Variants in MACROH2A2 observed in about 807,000 individuals in gnomAD.
The protein encoded by MACROH2A2 is core histone macro-H2A.2.
A neutral mutation model predicts 37.6 loss-of-function variants in MACROH2A2; 6 were observed. The observed-to-expected ratio is 0.16, with a 90% confidence interval of 0.09 to 0.32. The LOEUF is 0.32. MACROH2A2 is among the 10% of genes least tolerant of loss of function. The pLI is 1.00. For missense variants in MACROH2A2, 290 were observed against 485.9 expected (o/e 0.60, Z 3.79); for synonymous variants, 192 against 202.7 (o/e 0.95, Z 0.45).
At chr10:70,094,419 C>CA (rs139129374) in intron 5 of MACROH2A2, among the ~76,000 whole-genome samples, 8,766 of 152,236 alleles carry the variant, frequency 0.058, 424 homozygotes, top group African/African-American at 0.12. Flanking sequence ...TTCATTCCTA[C>CA]AAGTGTAAAG....
intron 1 of MACROH2A2, among the ~76,000 whole-genome samples, chr10:70,064,307 T>C (rs1165306322): frequency 6.6e-6 from 1 of 152,048 alleles, no homozygotes; most frequent in East Asian, 1.9e-4. Context: ...GGGACAGAGG[T>C]TGCAATGAGC....
chr10:70,111,174 C>T (rs1015739308), intron 8 of MACROH2A2, among the ~76,000 whole-genome samples: 6 of 152,096 alleles, frequency 3.9e-5, no homozygotes, highest in African/African-American at 1.4e-4. Context: ...GATGCTGAGG[C>T]AGGAGAATCG....
intron 7 of MACROH2A2, among the ~76,000 whole-genome samples, chr10:70,102,657 C>T (rs555830793): frequency 1.3e-5 from 2 of 151,944 alleles, no homozygotes; most frequent in African/African-American, 2.4e-5. Context: ...GTGGAGGTTG[C>T]AGTGAGCCAA....
At chr10:70,087,902 A>AT (rs2072220815) in intron 2 of MACROH2A2, among the ~76,000 whole-genome samples, 1 of 152,150 alleles carries the variant, frequency 6.6e-6, no homozygotes, top group South Asian at 2.1e-4. Flanking sequence ...TTTTATTCTA[A>AT]TTTTTTGTTA....
At position 70,075,328 on chromosome 10, in the gene MACROH2A2, C is replaced by G. The variant is rs141411635; in HGVS notation, c.-59-272C>G. Reference sequence around the variant, plus strand: ...ATCATTGTTCAGCTGACCACAGGACCGAGACCTCCCTATTCAGTGACAGTT... The same window carrying G: ...ATCATTGTTCAGCTGACCACAGGACGGAGACCTCCCTATTCAGTGACAGTT... On this transcript the variant is annotated intron_variant, in intron 1 of 8. Coordinates refer to ENST00000373255, the MANE Select transcript of MACROH2A2 (RefSeq NM_018649.3). The surrounding 1 kb of genome is among the most constrained non-coding windows in gnomAD (Gnocchi z 5.0). Among the ~76,000 whole-genome samples, 4 of 152,180 alleles carry G rather than the reference C, an allele frequency of 2.6e-5. No homozygotes were observed. The highest frequency in any genetic ancestry group is 4.1e-4 in the South Asian group (2 of 4,836).
chr10:70,083,852 T>C (rs534629898), intron 2 of MACROH2A2, among the ~76,000 whole-genome samples: 1 of 150,820 alleles, frequency 6.6e-6, no homozygotes, highest in Admixed American at 6.7e-5. Flanking sequence ...AGTTTCTTGA[T>C]CTGTGGAATT....
rs1213004422 is a variant in MACROH2A2 at position 70,053,971 on chromosome 10, G to A, written c.-60+971G>A. Among the ~76,000 whole-genome samples the A allele has an allele frequency of 6.6e-6, 1 of 152,176 alleles. No individual in the cohort carries two copies. The highest frequency in any genetic ancestry group is 1.5e-5 in the Non-Finnish European group (1 of 68,014). On this transcript the variant is annotated intron_variant, in intron 1 of 8. Transcript: ENST00000373255. The surrounding 1 kb of genome is among the most constrained non-coding windows in gnomAD (Gnocchi z 4.8). ...CCAGCCCTGCCTCCCCCGGCTCCCAGCCTCCAGCCCCGGCGCACCTCAGCC... is the reference window on the plus strand; with the variant it reads ...CCAGCCCTGCCTCCCCCGGCTCCCAACCTCCAGCCCCGGCGCACCTCAGCC...
intron 6 of MACROH2A2, among the ~76,000 whole-genome samples, chr10:70,096,221 A>G (rs559141265): frequency 1.3e-5 from 2 of 152,168 alleles, no homozygotes; most frequent in Non-Finnish European, 2.9e-5. Flanking sequence ...TCAACTTAGT[A>G]TTGTGAAATC....
At chr10:70,084,407 C>T (rs2136631144) in intron 2 of MACROH2A2, among the ~76,000 whole-genome samples, 1 of 152,304 alleles carries the variant, frequency 6.6e-6, no homozygotes, top group African/African-American at 2.4e-5. Flanking sequence ...AAGCATCTTG[C>T]TGGGCATGGT....
At chr10:70,060,825 A>T (rs1454281892) in intron 1 of MACROH2A2, among the ~76,000 whole-genome samples, 2 of 152,180 alleles carry the variant, frequency 1.3e-5, no homozygotes, top group African/African-American at 4.8e-5. Context: ...AATTAAAAGA[A>T]AATCTTGGTC....
chr10:70,106,566 G>A (rs527830429), intron 7 of MACROH2A2, among the ~76,000 whole-genome samples: 1 of 152,244 alleles, frequency 6.6e-6, no homozygotes, highest in Non-Finnish European at 1.5e-5. Flanking sequence ...GGAGGCCGAG[G>A]TGGGTGGATC....
chr10:70,054,615 G>C (rs113702838), intron 1 of MACROH2A2, among the ~76,000 whole-genome samples: 1,726 of 152,302 alleles, frequency 0.011, 23 homozygotes, highest in African/African-American at 0.029. Context: ...ACGTGTCTTC[G>C]TGTGTGTTGT....
chr10:70,064,709 T>C (rs946157202), intron 1 of MACROH2A2, among the ~76,000 whole-genome samples: 1 of 152,242 alleles, frequency 6.6e-6, no homozygotes, highest in African/African-American at 2.4e-5. Flanking sequence ...CTCATTTTTT[T>C]CTTGCTGCTG....
At chr10:70,080,860 G>A (rs1454840656) in intron 2 of MACROH2A2, among the ~76,000 whole-genome samples, 1 of 135,824 alleles carries the variant, frequency 7.4e-6, no homozygotes, top group Non-Finnish European at 1.6e-5. Flanking sequence ...ACTCCAGCCT[G>A]GGGAACAACA....
At chr10:70,090,535 G>A (rs2072238162) in intron 3 of MACROH2A2, among the ~76,000 whole-genome samples, 1 of 152,164 alleles carries the variant, frequency 6.6e-6, no homozygotes, top group Non-Finnish European at 1.5e-5. Context: ...AGAACTGACT[G>A]TTTATATTCT....
At chr10:70,072,611 C>T (rs1183581125) in intron 1 of MACROH2A2, among the ~76,000 whole-genome samples, 1 of 152,164 alleles carries the variant, frequency 6.6e-6, no homozygotes, top group Non-Finnish European at 1.5e-5. Context: ...GGTTTGTTTA[C>T]ATCAGCATCA....
chr10:70,072,126 C>G (rs1054921930), intron 1 of MACROH2A2, among the ~76,000 whole-genome samples: 1 of 152,102 alleles, frequency 6.6e-6, no homozygotes, highest in Non-Finnish European at 1.5e-5. Context: ...TGTAATAACA[C>G]TTAGCTTAAA....
intron 2 of MACROH2A2, among the ~76,000 whole-genome samples, chr10:70,085,815 C>T (rs1452949152): frequency 6.6e-6 from 1 of 152,138 alleles, no homozygotes; most frequent in Non-Finnish European, 1.5e-5. Context: ...AAATTTAGTG[C>T]TGTATAAATC....
intron 7 of MACROH2A2, among the ~76,000 whole-genome samples, chr10:70,101,246 G>A (rs1195092706): frequency 6.6e-6 from 1 of 152,174 alleles, no homozygotes; most frequent in Non-Finnish European, 1.5e-5. Context: ...AAGGGCAAGC[G>A]CATGATCTAC....
Sources: gnomAD v4.1 joint callset for allele counts (sites outside exome capture counted in the v4.1 genomes callset) on GRCh38, gnomAD v4.1.1 for gene constraint, Gnocchi (gnomAD v3.1) non-coding constraint, MANE v1.5 for transcripts, NCBI Gene and HGNC (gene_info 2026-07-23, HGNC 2026-07-21) for gene names.